The following EYS variants were observed in gnomAD, a reference collection of about 807,000 sequenced individuals.
EYS encodes EGF-like photoreceptor maintenance factor, also known as protein eyes shut homolog.
In EYS, 250 loss-of-function variants were observed where a neutral mutation model predicts 282.1. The observed-to-expected ratio is 0.89, with a 90% confidence interval of 0.80 to 0.98. EYS has a LOEUF of 0.98. Ranked by LOEUF, EYS falls within the 50% of genes least tolerant of loss-of-function variation. The pLI is 0.00. For missense variants in EYS, 4,016 were observed against 3,709.0 expected, an observed-to-expected ratio of 1.08 and a Z score of -2.15; for synonymous variants, 1,355 against 1,282.9, an observed-to-expected ratio of 1.06 and a Z score of -1.20.
rs1409801782 is a variant in EYS, at chr6:63,720,643, CTAATT to C, written c.9383_9387del (p.Lys3128ArgfsTer7). The C allele has an allele frequency of 5.0e-5, 76 of 1,525,914 alleles. No individual in the cohort carries two copies. The highest frequency in any genetic ancestry group is 6.4e-5 in the Non-Finnish European group (73 of 1,134,924). The allele number at this position is 1,525,914 out of a possible 1,614,324, so 94.5% of individuals were successfully genotyped here. A position where few individuals can be genotyped will look rare whatever the true frequency, so the allele number is the denominator to read the frequency against. On this transcript the variant is annotated frameshift_variant, in exon 43 of 43. Coordinates refer to ENST00000503581, the MANE Select transcript of EYS (RefSeq NM_001142800.2). LOFTEE classifies it high-confidence loss of function. ...TCTCCATCATAAACATTGTATCCTT[CTAATT>C]TAATTAGTTCAATGTTTTTTGGTTC...
chr6:65,176,097 C>G (rs138259316), intron 12 of EYS, among the ~76,000 whole-genome samples: 1 of 151,376 alleles, frequency 6.6e-6, no homozygotes, highest in African/African-American at 2.4e-5. Flanking sequence ...TGAGAGAGAG[C>G]ACTTATGATC....
At chr6:64,542,261 G>A (rs574624089) in intron 26 of EYS, among the ~76,000 whole-genome samples, 2 of 152,140 alleles carry the variant, frequency 1.3e-5, no homozygotes, top group African/African-American at 4.8e-5. Flanking sequence ...TGACCATTAT[G>A]ACTTCAAGTA....
chr6:65,652,465 T>C (rs1221739630), intron 1 of EYS, among the ~76,000 whole-genome samples: 4 of 151,900 alleles, frequency 2.6e-5, no homozygotes, highest in Non-Finnish European at 4.4e-5. Flanking sequence ...GGTGGTGGCA[T>C]TGGATGGCTT....
At chr6:65,475,748 G>GACACACACACACACACAC (rs111446667) in intron 5 of EYS, among the ~76,000 whole-genome samples, 1 of 121,510 alleles carries the variant, frequency 8.2e-6, no homozygotes, top group African/African-American at 2.8e-5. Flanking sequence ...CAGACAGACA[G>GACACACACACACACACAC]ACAGACAGAC....
chr6:64,130,005 C>G (rs1012166850), intron 31 of EYS, among the ~76,000 whole-genome samples: 6 of 152,208 alleles, frequency 3.9e-5, no homozygotes, highest in African/African-American at 1.4e-4. Context: ...GTTTTGGTAC[C>G]AGTACCATGC....
intron 30 of EYS, among the ~76,000 whole-genome samples, chr6:64,245,807 T>C (rs1265665857): frequency 6.6e-6 from 1 of 151,940 alleles, no homozygotes; most frequent in Non-Finnish European, 1.5e-5. Context: ...AAATTCCAAA[T>C]AGGAAACATT....
rs1766395456 is a variant in EYS at position 64,591,146 on chromosome 6, A to G, written c.4721T>C (p.Val1574Ala). Residue 1574 changes from valine to alanine, a missense_variant, in exon 26 of 43, where the codon GTT (valine) becomes GCT (alanine). Transcript: ENST00000503581. ...IKSSREFSDQ[V>A]LHSKQSHFYE... ...AAAGTGGGACTGTTTGCTATGCAAAACTTGATCTGAGAATTCACGAGAGGA... is the reference window on the plus strand; with the variant it reads ...AAAGTGGGACTGTTTGCTATGCAAAGCTTGATCTGAGAATTCACGAGAGGA... 6.4e-7 allele frequency: 1 copy of G among 1,551,356 alleles called. No homozygotes were observed. Among genetic ancestry groups the G allele is most frequent in the Non-Finnish European group, 8.7e-7 (1 of 1,146,782 alleles).
Position 64,049,124 on chromosome 6 carries a change from G to A in EYS, c.6725+17214C>T, listed in dbSNP as rs189361262. ...GTGTGAGTATTTAGCTGAATGGTAAGGTTCACATAAACAGTGATCAGTTGT... is the reference window on the plus strand; with the variant it reads ...GTGTGAGTATTTAGCTGAATGGTAAAGTTCACATAAACAGTGATCAGTTGT... On this transcript the variant is annotated intron_variant, in intron 33 of 42. Coordinates refer to ENST00000503581, the MANE Select transcript of EYS (RefSeq NM_001142800.2). 7.2e-5 allele frequency among the ~76,000 whole-genome samples: 11 copies of A among 152,202 alleles called. No individual in the cohort carries two copies. The East Asian group carries it at 2.1e-3, about 29-fold the overall frequency.
intron 22 of EYS, among the ~76,000 whole-genome samples, chr6:64,677,960 A>G (rs960444179): frequency 6.6e-6 from 1 of 152,100 alleles, no homozygotes; most frequent in Non-Finnish European, 1.5e-5. Context: ...AAGCAGTTGA[A>G]GTAATAGTAA....
chr6:65,010,915 G>A (rs2150133136), intron 13 of EYS, among the ~76,000 whole-genome samples: 1 of 152,250 alleles, frequency 6.6e-6, no homozygotes, highest in African/African-American at 2.4e-5. Flanking sequence ...TACACTGCTG[G>A]GGTCATCAGA....
chr6:65,519,612 T>TCTCTATTA (rs1767273037), intron 2 of EYS, among the ~76,000 whole-genome samples: 1 of 145,608 alleles, frequency 6.9e-6, no homozygotes, highest in Non-Finnish European at 1.5e-5. Flanking sequence ...ATTTTTATGG[T>TCTCTATTA]CTCTATTAGT....
At chr6:64,483,052 T>C (rs1421992285) in intron 26 of EYS, among the ~76,000 whole-genome samples, 1 of 151,678 alleles carries the variant, frequency 6.6e-6, no homozygotes. Flanking sequence ...TCAAGTTATG[T>C]TTCCTGTGTC....
At chr6:64,803,798 G>C (rs1013619572) in intron 22 of EYS, among the ~76,000 whole-genome samples, 1 of 152,218 alleles carries the variant, frequency 6.6e-6, no homozygotes, top group African/African-American at 2.4e-5. Context: ...ACAGTGCCTG[G>C]GCTTGGCCTC....
chr6:64,309,672 AAAAC>A (rs1769596728), intron 29 of EYS, among the ~76,000 whole-genome samples: 1 of 152,176 alleles, frequency 6.6e-6, no homozygotes, highest in Non-Finnish European at 1.5e-5. Context: ...ATCATGTAAA[AAAAC>A]AAAAGCTCAG....
rs932745281 is a variant in EYS, at chr6:65,003,934, A to T, written c.2138-6231T>A. Among the ~76,000 whole-genome samples, 7 of 147,264 alleles carry T rather than the reference A, an allele frequency of 4.8e-5. 1 individual carries two copies. Among genetic ancestry groups the T allele is most frequent in the Admixed American group, 2.0e-4 (3 of 14,754 alleles). ...ATTTCGTTTTCTGTGTCTCAACAAA[A>T]TTACCCATTTTAGGCATGTTCTTCC... is the stretch of plus-strand genomic sequence containing the variant. On this transcript the variant is annotated intron_variant, in intron 13 of 42. Coordinates refer to ENST00000503581, the MANE Select transcript of EYS (RefSeq NM_001142800.2).
At chr6:65,593,803 T>C (rs1765313011) in intron 2 of EYS, among the ~76,000 whole-genome samples, 1 of 151,958 alleles carries the variant, frequency 6.6e-6, no homozygotes, top group Non-Finnish European at 1.5e-5. Context: ...GGTATTATGA[T>C]TATTTTACTT....
At chr6:64,498,586 A>G (rs1439578929) in intron 26 of EYS, among the ~76,000 whole-genome samples, 2 of 151,908 alleles carry the variant, frequency 1.3e-5, no homozygotes, top group African/African-American at 4.8e-5. Context: ...TAGGCCCCAC[A>G]TGCGTTAGGT....
chr6:65,436,224 C>T (rs1385503695), intron 5 of EYS, among the ~76,000 whole-genome samples: 1 of 151,996 alleles, frequency 6.6e-6, no homozygotes, highest in Non-Finnish European at 1.5e-5. Flanking sequence ...AATAAAATTC[C>T]ACATACTTTT....
chr6:64,845,463 A>C (rs977567882), intron 19 of EYS, among the ~76,000 whole-genome samples: 3 of 152,048 alleles, frequency 2.0e-5, no homozygotes, highest in African/African-American at 7.2e-5. Context: ...CCTATCATTG[A>C]TAGCACATTA....
Sources: gnomAD v4.1 joint callset for allele counts (sites outside exome capture counted in the v4.1 genomes callset) on GRCh38, gnomAD v4.1.1 for gene constraint, MANE v1.5 for transcripts, NCBI Gene and HGNC (gene_info 2026-07-23, HGNC 2026-07-21) for gene names.